SPIN2A: variants seen among roughly 807,000 people sequenced by gnomAD.
SPIN2A encodes spindlin-2A.
A neutral mutation model predicts 9.2 loss-of-function variants in SPIN2A; 4 were observed. That is an observed-to-expected ratio of 0.44 (90% CI 0.21 to 1.00). The LOEUF (loss-of-function observed/expected upper bound fraction) is 1.00. SPIN2A is among the 50% of genes least tolerant of loss of function. The pLI is 0.26. For synonymous variants in SPIN2A, 25 were observed against 61.2 expected, an observed-to-expected ratio of 0.41 and a Z score of 2.76; for missense variants, 77 against 172.8, an observed-to-expected ratio of 0.45 and a Z score of 3.11.
chrX:57,137,690 T>C (rs1311294724), upstream of SPIN2A: 2 of 111,361 alleles, frequency 1.8e-5, no homozygotes, highest in Admixed American at 9.5e-5. Flanking sequence ...TTCCTGTCTC[T>C]GCTGGCTGGA....
chrX:57,140,762 A>G (rs758457618), upstream of SPIN2A, among the ~76,000 whole-genome samples: 6 of 111,680 alleles, frequency 5.4e-5, no homozygotes, highest in East Asian at 1.7e-3. Context: ...CTCACTTATA[A>G]ACGGGAGGCA....
At chrX:57,137,513 C>T (rs903282198), upstream of SPIN2A, 3 of 160,473 alleles carry the variant, frequency 1.9e-5, no homozygotes, top group Non-Finnish European at 3.1e-5. Flanking sequence ...GCTGTAGTCT[C>T]TGCCCTTTTT....
upstream of SPIN2A, among the ~76,000 whole-genome samples, chrX:57,141,853 T>C (rs1321074282): frequency 1.8e-5 from 2 of 111,288 alleles, no homozygotes; most frequent in Non-Finnish European, 3.8e-5. Context: ...TACATAGGTA[T>C]ATGTGTGTCA....
Sources: allele counts gnomAD v4.1 joint callset (sites outside exome capture counted in the v4.1 genomes callset), GRCh38; gene constraint gnomAD v4.1.1; transcripts MANE v1.5; gene names NCBI Gene and HGNC (gene_info 2026-07-23, HGNC 2026-07-21).